The following PPP2R2B variants were observed in gnomAD, a reference collection of about 807,000 sequenced individuals.
The protein encoded by PPP2R2B is serine/threonine-protein phosphatase 2A 55 kDa regulatory subunit B beta isoform.
PPP2R2B carries 5 observed loss-of-function variants against 46.0 expected under a neutral mutation model. The ratio of observed to expected loss-of-function variants is 0.11; its 90% CI spans 0.06 to 0.23. The LOEUF (loss-of-function observed/expected upper bound fraction) is 0.23, where lower values mean the gene tolerates loss of function less well. Ranked by LOEUF, PPP2R2B falls within the 10% of genes least tolerant of loss-of-function variation. The pLI is 1.00. For synonymous variants in PPP2R2B, 215 were observed against 206.7 expected, an observed-to-expected ratio of 1.04 and a Z score of -0.34; for missense variants, 367 against 575.0, an observed-to-expected ratio of 0.64 and a Z score of 3.70.
intron 1 of PPP2R2B, among the ~76,000 whole-genome samples, chr5:147,001,480 A>C (rs896320817): frequency 2.6e-5 from 4 of 152,040 alleles, no homozygotes; most frequent in African/African-American, 9.7e-5. Flanking sequence ...CCACAAACCC[A>C]CCAGAAGGAA....
At chr5:146,976,366 GC>G (rs1752906774) in intron 1 of PPP2R2B, among the ~76,000 whole-genome samples, 2 of 151,894 alleles carry the variant, frequency 1.3e-5, no homozygotes, top group Non-Finnish European at 2.9e-5. Flanking sequence ...CGAACTCCTG[GC>G]CTCAAGTGAT....
Position 146,588,397 on chromosome 5 carries a change from C to T in PPP2R2B, c.*1550G>A, listed in dbSNP as rs1215796141. 1.3e-5 allele frequency: 2 copies of T among 152,178 alleles called. No individual in the cohort carries two copies. Among genetic ancestry groups the T allele is most frequent in the African/African-American group, 4.8e-5 (2 of 41,426 alleles). 9.4% of individuals were successfully genotyped at this position (152,178 alleles called of 1,614,324 possible). A position where few individuals can be genotyped will look rare whatever the true frequency, so the allele number is the denominator to read the frequency against. On this transcript the variant is annotated 3_prime_UTR_variant, in exon 10 of 10. Coordinates refer to ENST00000394411, the MANE Select transcript of PPP2R2B (RefSeq NM_181675.4). The stretch of plus-strand genomic sequence containing the variant: ...TTTTTTCCTCCTCCAAAGCAAATTA[C>T]ACTTGAAAGTCAGGACTTCTAATAC...
At chr5:146,690,440 T>C (rs1467543534) in intron 5 of PPP2R2B, among the ~76,000 whole-genome samples, 2 of 152,230 alleles carry the variant, frequency 1.3e-5, no homozygotes, top group Non-Finnish European at 2.9e-5. Flanking sequence ...TGCATTTATC[T>C]TACTATATTT....
upstream of PPP2R2B, among the ~76,000 whole-genome samples, chr5:147,056,805 G>C (rs1193468679): frequency 6.6e-6 from 1 of 152,120 alleles, no homozygotes; most frequent in Non-Finnish European, 1.5e-5. Context: ...AAATAATAAT[G>C]ACTTTGGAAA....
exon 1 of PPP2R2B, chr5:147,055,766 C>T: frequency 6.3e-7 from 1 of 1,590,258 alleles, no homozygotes; most frequent in Non-Finnish European, 8.6e-7. Context: ...AAATAAAAAT[C>T]TAAATAAAAA....
At chr5:146,757,000 A>G (rs1423095156) in intron 2 of PPP2R2B, among the ~76,000 whole-genome samples, 1 of 152,164 alleles carries the variant, frequency 6.6e-6, no homozygotes, top group Non-Finnish European at 1.5e-5. Flanking sequence ...GGAGCTAGAG[A>G]ATGAAGCTCT....
chr5:146,639,463 C>G (rs76461274), intron 6 of PPP2R2B, among the ~76,000 whole-genome samples: 4,387 of 152,268 alleles, frequency 0.029, 85 homozygotes, highest in Admixed American at 0.066. Context: ...AACCCCTTCA[C>G]TGGGATGTCT....
At chr5:146,749,957 C>A (rs192735179) in intron 2 of PPP2R2B, among the ~76,000 whole-genome samples, 12 of 152,178 alleles carry the variant, frequency 7.9e-5, no homozygotes, top group African/African-American at 2.2e-4. Context: ...GTCTGTGATC[C>A]ATTTTGAGTT....
chr5:146,689,099 G>A (rs7736604), intron 5 of PPP2R2B, among the ~76,000 whole-genome samples: 1 of 151,904 alleles, frequency 6.6e-6, no homozygotes, highest in Non-Finnish European at 1.5e-5. Context: ...TCAGTAGGGG[G>A]TAATAATAGC....
intron 1 of PPP2R2B, among the ~76,000 whole-genome samples, chr5:146,924,955 T>A (rs1179935801): frequency 6.6e-6 from 1 of 152,140 alleles, no homozygotes; most frequent in Non-Finnish European, 1.5e-5. Flanking sequence ...GGCATTTGGG[T>A]TGGTTCACCA....
At chr5:146,877,195 T>C (rs1054495915) in intron 2 of PPP2R2B, among the ~76,000 whole-genome samples, 3 of 152,192 alleles carry the variant, frequency 2.0e-5, no homozygotes, top group Non-Finnish European at 4.4e-5. Flanking sequence ...TTCCACCTGC[T>C]GACTTTCCCT....
chr5:146,856,051 GTCTT>G, intron 2 of PPP2R2B, among the ~76,000 whole-genome samples: 1 of 152,074 alleles, frequency 6.6e-6, no homozygotes, highest in Admixed American at 6.5e-5. Flanking sequence ...TGCCCATATT[GTCTT>G]TCTTTGCCTC....
chr5:146,831,200 A>G (rs1454679366), intron 2 of PPP2R2B, among the ~76,000 whole-genome samples: 3 of 152,144 alleles, frequency 2.0e-5, no homozygotes, highest in Non-Finnish European at 4.4e-5. Context: ...AACCTTTATT[A>G]AAAAGTCTCT....
At chr5:146,700,795 G>A (rs1465382855) in intron 3 of PPP2R2B, among the ~76,000 whole-genome samples, 2 of 152,186 alleles carry the variant, frequency 1.3e-5, no homozygotes, top group South Asian at 2.1e-4. Context: ...CAGGTCAGGC[G>A]AGAAGTGAAG....
At chr5:146,916,951 C>T (rs902015284) in intron 1 of PPP2R2B, among the ~76,000 whole-genome samples, 2 of 151,918 alleles carry the variant, frequency 1.3e-5, no homozygotes, top group African/African-American at 4.8e-5. Flanking sequence ...ATTACTTATA[C>T]AAATATAAGT....
chr5:146,662,111 A>G (rs1426898776), intron 5 of PPP2R2B, among the ~76,000 whole-genome samples: 1 of 152,204 alleles, frequency 6.6e-6, no homozygotes, highest in Non-Finnish European at 1.5e-5. Flanking sequence ...GGATTGACCA[A>G]GCCTCCGAAG....
At position 146,695,586 on chromosome 5, in the gene PPP2R2B, T is replaced by G. The variant is rs1296204569; in HGVS notation, c.334+2393A>C. Among the ~76,000 whole-genome samples the G allele has an allele frequency of 2.0e-5, 3 of 152,346 alleles. No individual in the cohort carries two copies. In the East Asian group the frequency reaches 5.8e-4, roughly 29 times the overall value. On this transcript the variant is annotated intron_variant, in intron 4 of 9. Transcript: ENST00000394411. The stretch of plus-strand genomic sequence containing the variant: ...TGAATTCAATCCAATTCCCCATGGT[T>G]GGGTTGCCTGGAGTCATTCTTGACT...
At chr5:146,791,471 C>T (rs1348376242) in intron 2 of PPP2R2B, among the ~76,000 whole-genome samples, 1 of 152,010 alleles carries the variant, frequency 6.6e-6, no homozygotes, top group Non-Finnish European at 1.5e-5. Context: ...TCGGCATATT[C>T]CCTGCCCCTG....
intron 1 of PPP2R2B, among the ~76,000 whole-genome samples, chr5:147,051,569 G>A (rs570496382): frequency 1.4e-4 from 21 of 152,094 alleles, no homozygotes; most frequent in East Asian, 5.8e-4. Flanking sequence ...AGACAATTTC[G>A]GGAAAGGAAG....
Sources: gnomAD v4.1 joint callset for allele counts (sites outside exome capture counted in the v4.1 genomes callset) on GRCh38, gnomAD v4.1.1 for gene constraint, MANE v1.5 for transcripts, NCBI Gene and HGNC (gene_info 2026-07-23, HGNC 2026-07-21) for gene names.